Variants in PCDHGA4 observed in about 807,000 individuals in gnomAD.
PCDHGA4 encodes protocadherin gamma-A4.
In PCDHGA4, 38 loss-of-function variants were observed where a neutral mutation model predicts 54.6. The ratio of observed to expected loss-of-function variants is 0.70; its 90% CI spans 0.54 to 0.91. The LOEUF (loss-of-function observed/expected upper bound fraction) is 0.91. Ranked by LOEUF, PCDHGA4 falls within the 40% of genes least tolerant of loss-of-function variation. The probability of loss-of-function intolerance (pLI) is 0.00; values close to 1 mark genes in which losing one functional copy is unlikely to be tolerated. For synonymous variants in PCDHGA4, 511 were observed against 512.9 expected (o/e 1.00, Z 0.05); for missense variants, 1,298 against 1,220.9 (o/e 1.06, Z -0.94).
At chr5:141,423,659 A>G in intron 1 of PCDHGA4, 2 of 1,551,038 alleles carry the variant, frequency 1.3e-6, no homozygotes, top group Non-Finnish European at 1.7e-6. Flanking sequence ...ACAAGTAATC[A>G]GGTGAGATTT....
chr5:141,414,850 C>T, intron 1 of PCDHGA4: 1 of 1,614,212 alleles, frequency 6.2e-7, no homozygotes, highest in Non-Finnish European at 8.5e-7. Flanking sequence ...TGTGCTGGAC[C>T]AGAACGACAA....
At chr5:141,382,189 A>G (rs1588915821) in intron 1 of PCDHGA4, among the ~76,000 whole-genome samples, 1 of 152,174 alleles carries the variant, frequency 6.6e-6, no homozygotes, top group African/African-American at 2.4e-5. Flanking sequence ...GGTTCTATAC[A>G]ATCAAAAATT....
intron 1 of PCDHGA4, 100 bp from the exon 2 acceptor site, chr5:141,494,707 G>A: frequency 2.5e-6 from 4 of 1,599,238 alleles, no homozygotes; most frequent in Non-Finnish European, 3.4e-6. Context: ...TCTTCTCTGT[G>A]CCCACTCCCC....
intron 1 of PCDHGA4, among the ~76,000 whole-genome samples, chr5:141,358,289 G>T (rs1428102148): frequency 6.6e-6 from 1 of 152,214 alleles, no homozygotes; most frequent in Non-Finnish European, 1.5e-5. Context: ...GAAGGCAATT[G>T]TGTAAATTCA....
chr5:141,447,775 AT>A (rs1463090729), intron 1 of PCDHGA4, among the ~76,000 whole-genome samples: 2 of 152,212 alleles, frequency 1.3e-5, no homozygotes, highest in Non-Finnish European at 2.9e-5. Flanking sequence ...TTATACTTTA[AT>A]TGAAAATAAA....
intron 1 of PCDHGA4, chr5:141,372,315 C>A (rs1444112616): frequency 6.2e-7 from 1 of 1,613,564 alleles, no homozygotes; most frequent in Non-Finnish European, 8.5e-7. Context: ...CGCCCGCCAG[C>A]GCCTGCTGGT....
Position 141,486,107 on chromosome 5 carries a change from A to T in PCDHGA4, c.2515-8700A>T, listed in dbSNP as rs758269750. ...TCTTTTGGGGCCCCTAGACTTTGAG[A>T]GTGAGAATTACTATGAATTTGATGT... is the stretch of plus-strand genomic sequence containing the variant. On this transcript the variant is annotated intron_variant, in intron 1 of 3. Transcript: ENST00000571252. The surrounding 1 kb of genome is among the most constrained non-coding windows in gnomAD (Gnocchi z 5.0). The T allele has an allele frequency of 6.2e-7, 1 of 1,614,102 alleles. No individual in the cohort carries two copies. Among genetic ancestry groups the T allele is most frequent in the South Asian group, 1.1e-5 (1 of 91,080 alleles).
chr5:141,482,981 A>C (rs1377809325), intron 1 of PCDHGA4, among the ~76,000 whole-genome samples: 1 of 150,250 alleles, frequency 6.7e-6, no homozygotes, highest in Non-Finnish European at 1.5e-5. Context: ...GCTACTTGAG[A>C]GGTCGAGGCA....
At chr5:141,370,264 C>A in intron 1 of PCDHGA4, 2 of 752,616 alleles carry the variant, frequency 2.7e-6, no homozygotes, top group Non-Finnish European at 4.2e-6. Flanking sequence ...AGGCTTCCTG[C>A]AGCGGAGACA....
chr5:141,385,076 A>G, intron 1 of PCDHGA4: 1 of 1,614,206 alleles, frequency 6.2e-7, no homozygotes, highest in Non-Finnish European at 8.5e-7. Context: ...CGCCTGCTGC[A>G]GGCTTCAGAA....
intron 1 of PCDHGA4, among the ~76,000 whole-genome samples, chr5:141,359,804 G>T (rs918422169): frequency 3.9e-5 from 6 of 151,996 alleles, no homozygotes; most frequent in African/African-American, 1.5e-4. Flanking sequence ...TTTGAATTTG[G>T]AACTATATGA....
At chr5:141,417,117 C>A (rs1199474234) in intron 1 of PCDHGA4, 3 of 151,748 alleles carry the variant, frequency 2.0e-5, no homozygotes, top group Non-Finnish European at 4.4e-5. Context: ...TACAGGACAC[C>A]CTGGATGATG....
At chr5:141,406,515 T>C (rs2094818414) in intron 1 of PCDHGA4, among the ~76,000 whole-genome samples, 1 of 152,234 alleles carries the variant, frequency 6.6e-6, no homozygotes, top group Non-Finnish European at 1.5e-5. Context: ...TGTTTGTGTT[T>C]ACAGATATTT....
At chr5:141,433,869 T>C (rs1293077938) in intron 1 of PCDHGA4, among the ~76,000 whole-genome samples, 8 of 151,960 alleles carry the variant, frequency 5.3e-5, no homozygotes, top group Non-Finnish European at 7.4e-5. Flanking sequence ...TATCCTCTAG[T>C]TTCATCCATT....
intron 1 of PCDHGA4, chr5:141,389,509 C>T: frequency 6.2e-7 from 1 of 1,613,118 alleles, no homozygotes; most frequent in Non-Finnish European, 8.5e-7. Flanking sequence ...GCGCTCAGCG[C>T]GAACGTGAGC....
chr5:141,369,589 A>G (rs1339057936), intron 1 of PCDHGA4, among the ~76,000 whole-genome samples: 1 of 152,238 alleles, frequency 6.6e-6, no homozygotes, highest in Non-Finnish European at 1.5e-5. Flanking sequence ...GCTTTTTACT[A>G]TACTTCTATT....
chr5:141,422,976 G>A lies in PCDHGA4; in HGVS notation c.2514+65355G>A, dbSNP rs558006468. On this transcript the variant is annotated intron_variant, in intron 1 of 3. Transcript: ENST00000571252. The stretch of plus-strand genomic sequence containing the variant: ...GCGTGGAGCTGGCGCCCCGCTCTGC[G>A]GAACCTGGCTACCTGGTGACCAAGG... 27 of 1,614,212 alleles carry A rather than the reference G, an allele frequency of 1.7e-5. No homozygotes were observed. In the East Asian group the frequency reaches 4.7e-4, roughly 28 times the overall value.
At chr5:141,479,120 A>T (rs1278879959) in intron 1 of PCDHGA4, among the ~76,000 whole-genome samples, 1 of 152,232 alleles carries the variant, frequency 6.6e-6, no homozygotes, top group Non-Finnish European at 1.5e-5. Context: ...TTCTACTGGA[A>T]ATGATGTGCA....
At chr5:141,363,183 T>C (rs6890708) in intron 1 of PCDHGA4, among the ~76,000 whole-genome samples, 3,287 of 152,342 alleles carry the variant, frequency 0.022, 57 homozygotes, top group Non-Finnish European at 0.033. Context: ...TTTTAACAAA[T>C]TGCTCTTAAG....
Sources: allele counts gnomAD v4.1 joint callset (sites outside exome capture counted in the v4.1 genomes callset), GRCh38; gene constraint gnomAD v4.1.1; non-coding constraint Gnocchi (gnomAD v3.1); transcripts MANE v1.5; gene names NCBI Gene and HGNC (gene_info 2026-07-23, HGNC 2026-07-21).